Variants in RPAP2 observed in about 807,000 individuals in gnomAD.
RPAP2 encodes RNA polymerase II associated protein 2, also known as putative RNA polymerase II subunit B1 CTD phosphatase RPAP2.
In RPAP2, 52 loss-of-function variants were observed where a neutral mutation model predicts 73.1. The ratio of observed to expected loss-of-function variants is 0.71; its 90% CI spans 0.57 to 0.90. The LOEUF is 0.90. Ranked by LOEUF, RPAP2 falls within the 40% of genes least tolerant of loss-of-function variation. The pLI is 0.00. For missense variants in RPAP2, 598 were observed against 701.8 expected (o/e 0.85, Z 1.67); for synonymous variants, 225 against 242.1 (o/e 0.93, Z 0.65).
At chr1:92,352,601 A>G (rs1654272868) in intron 11 of RPAP2, among the ~76,000 whole-genome samples, 1 of 152,246 alleles carries the variant, frequency 6.6e-6, no homozygotes, top group Non-Finnish European at 1.5e-5. Flanking sequence ...GGTATCTGAG[A>G]CCATATTTGA....
At chr1:92,346,244 A>C (rs1163490831) in intron 11 of RPAP2, among the ~76,000 whole-genome samples, 2 of 149,810 alleles carry the variant, frequency 1.3e-5, no homozygotes. Context: ...GCTCACTGCC[A>C]CCTCTGCCTC....
Position 92,400,385 on chromosome 1 carries a change from T to C in RPAP2, c.*13374T>C. ...CACCCAGGCTGGAGCACAGTGACAG[T>C]CATAGCTCACTATAGCCTCAGACTC... On this transcript the variant is annotated 3_prime_UTR_variant, in exon 13 of 13. Transcript: ENST00000610020. 6.5e-6 allele frequency: 1 copy of C among 152,858 alleles called. No homozygotes were observed. Among genetic ancestry groups the C allele is most frequent in the Non-Finnish European group, 1.5e-5 (1 of 68,532 alleles). The allele number at this position is 152,858 out of a possible 1,614,324, so 9.5% of individuals were successfully genotyped here.
chr1:92,343,786 A>G (rs1653728204), intron 10 of RPAP2, among the ~76,000 whole-genome samples: 1 of 152,214 alleles, frequency 6.6e-6, no homozygotes, highest in Non-Finnish European at 1.5e-5. Flanking sequence ...AGAAAAACAT[A>G]TAGCAGAATA....
At chr1:92,378,635 C>T (rs1276845718) in intron 11 of RPAP2, among the ~76,000 whole-genome samples, 1 of 152,080 alleles carries the variant, frequency 6.6e-6, no homozygotes, top group Admixed American at 6.6e-5. Flanking sequence ...CTTGGTCTTA[C>T]TATGGGGAAG....
chr1:92,343,692 G>A (rs1434024369), intron 10 of RPAP2, among the ~76,000 whole-genome samples: 3 of 152,224 alleles, frequency 2.0e-5, no homozygotes, highest in East Asian at 1.9e-4. Flanking sequence ...GAATAGTGAA[G>A]TACACAAAGA....
intron 9 of RPAP2, among the ~76,000 whole-genome samples, chr1:92,335,624 A>T (rs1230360000): frequency 6.6e-6 from 1 of 152,184 alleles, no homozygotes; most frequent in Admixed American, 6.5e-5. Context: ...ATGGTATTAT[A>T]TAATACATGT....
In RPAP2 at chr1:92,387,478, G is replaced by A. The variant is rs1010837503; in HGVS notation, c.*467G>A. 1 of 152,232 alleles carries A rather than the reference G, an allele frequency of 6.6e-6. No individual in the cohort carries two copies. The highest frequency in any genetic ancestry group is 2.4e-5 in the African/African-American group (1 of 41,436). 9.4% of individuals were successfully genotyped at this position (152,232 alleles called of 1,614,324 possible). A position where few individuals can be genotyped will look rare whatever the true frequency, so the allele number is the denominator to read the frequency against. ...ATAAATACATACAATTTAAGATGAA[G>A]CCCTTTGGAAGTCTAGTCCAAAACA... On this transcript the variant is annotated 3_prime_UTR_variant, in exon 13 of 13. Transcript: ENST00000610020.
chr1:92,394,046 A>T lies in RPAP2; in HGVS notation c.*7035A>T, dbSNP rs765806109. 1.3e-5 allele frequency: 2 copies of T among 152,250 alleles called. No homozygotes were observed. The highest frequency in any genetic ancestry group is 2.9e-5 in the Non-Finnish European group (2 of 68,042). The allele number at this position is 152,250 out of a possible 1,614,324, so 9.4% of individuals were successfully genotyped here. A position where few individuals can be genotyped will look rare whatever the true frequency, so the allele number is the denominator to read the frequency against. Reference sequence around the variant, plus strand: ...GCACACGTATGTTTATTGCTGCACTATTCACAATAGCAAAGATTTGAAACC... The same window carrying T: ...GCACACGTATGTTTATTGCTGCACTTTTCACAATAGCAAAGATTTGAAACC... On this transcript the variant is annotated 3_prime_UTR_variant, in exon 13 of 13. Transcript: ENST00000610020.
chr1:92,361,747 T>C (rs1479619978), intron 11 of RPAP2, among the ~76,000 whole-genome samples: 1 of 152,210 alleles, frequency 6.6e-6, no homozygotes, highest in Non-Finnish European at 1.5e-5. Flanking sequence ...TATCTTTTAA[T>C]TCATTAGTTA....
chr1:92,374,887 G>A (rs1488390970), intron 11 of RPAP2, among the ~76,000 whole-genome samples: 4 of 152,050 alleles, frequency 2.6e-5, no homozygotes, highest in Admixed American at 6.6e-5. Context: ...GGTGATGGGT[G>A]CACCAGAATC....
At chr1:92,305,447 A>AAG (rs1651155815) in intron 5 of RPAP2, among the ~76,000 whole-genome samples, 1 of 148,550 alleles carries the variant, frequency 6.7e-6, no homozygotes, top group East Asian at 2.1e-4. Flanking sequence ...AAAAAAAAAA[A>AAG]AAAAGACAAT....
chr1:92,347,692 A>T (rs546925888), intron 11 of RPAP2, among the ~76,000 whole-genome samples: 2 of 152,308 alleles, frequency 1.3e-5, no homozygotes, highest in South Asian at 4.1e-4. Flanking sequence ...AAACCTCTCT[A>T]GTGTTTGATT....
intron 11 of RPAP2, among the ~76,000 whole-genome samples, chr1:92,350,796 G>T (rs1654162954): frequency 6.6e-6 from 1 of 152,134 alleles, no homozygotes; most frequent in African/African-American, 2.4e-5. Flanking sequence ...GCCAGGCATG[G>T]TGGGGCATGC....
At chr1:92,314,847 C>T (rs1249963095) in intron 6 of RPAP2, among the ~76,000 whole-genome samples, 2 of 151,920 alleles carry the variant, frequency 1.3e-5, no homozygotes, top group African/African-American at 4.8e-5. Context: ...GAGTTTGAGA[C>T]CAGCCTGGCC....
intron 11 of RPAP2, among the ~76,000 whole-genome samples, chr1:92,368,054 A>T (rs1243388348): frequency 1.3e-5 from 2 of 152,180 alleles, no homozygotes; most frequent in Admixed American, 1.3e-4. Flanking sequence ...TGGAGCTACA[A>T]TATGGAGTTT....
chr1:92,320,689 T>G (rs1652203219), intron 7 of RPAP2, 55 bp downstream of exon 7: 3 of 1,434,624 alleles, frequency 2.1e-6, no homozygotes, highest in South Asian at 2.4e-5. Flanking sequence ...ATAGAAACAT[T>G]AGGAGTGAAC....
At chr1:92,309,560 TACACATACAC>T (rs1357293504) in intron 6 of RPAP2, among the ~76,000 whole-genome samples, 4 of 77,346 alleles carry the variant, frequency 5.2e-5, no homozygotes, top group African/African-American at 2.1e-4. Context: ...CACATACACA[TACACATACAC>T]ATATACATAT....
Position 92,399,874 on chromosome 1 carries a change from C to T in RPAP2, c.*12863C>T, listed in dbSNP as rs1656272556. 1 of 152,180 alleles carries T rather than the reference C, an allele frequency of 6.6e-6. No homozygotes were observed. Among genetic ancestry groups the T allele is most frequent in the Non-Finnish European group, 1.5e-5 (1 of 68,042 alleles). 9.4% of individuals were successfully genotyped at this position (152,180 alleles called of 1,614,324 possible). ...CCACCTTCAAAGTCAACCAGAATGA[C>T]TCTTAACCTCTCTTGTCTGGGTTGG... On this transcript the variant is annotated 3_prime_UTR_variant, in exon 13 of 13. Coordinates refer to ENST00000610020, the MANE Select transcript of RPAP2 (RefSeq NM_024813.3).
rs905744666 is a variant in RPAP2 at position 92,391,953 on chromosome 1, T to C, written c.*4942T>C. On this transcript the variant is annotated 3_prime_UTR_variant, in exon 13 of 13. Coordinates refer to ENST00000610020, the MANE Select transcript of RPAP2 (RefSeq NM_024813.3). Reference sequence around the variant, plus strand: ...ATTCACAGCCAAATTCTACGAAAGGTACAAAGAGGTGCTGGTACCATTCCT... The same window carrying C: ...ATTCACAGCCAAATTCTACGAAAGGCACAAAGAGGTGCTGGTACCATTCCT... 4 of 152,064 alleles carry C rather than the reference T, an allele frequency of 2.6e-5. No individual in the cohort carries two copies. Among genetic ancestry groups the C allele is most frequent in the African/African-American group, 9.7e-5 (4 of 41,402 alleles). The allele number at this position is 152,064 out of a possible 1,614,324, so 9.4% of individuals were successfully genotyped here.
Sources: allele counts gnomAD v4.1 joint callset (sites outside exome capture counted in the v4.1 genomes callset), GRCh38; gene constraint gnomAD v4.1.1; transcripts MANE v1.5; gene names NCBI Gene and HGNC (gene_info 2026-07-23, HGNC 2026-07-21).